CCDC144A: variants seen among roughly 807,000 people sequenced by gnomAD.
CCDC144A encodes the protein coiled-coil domain containing 144A, also known as coiled-coil domain-containing protein 144A.
CCDC144A carries 41 observed loss-of-function variants against 143.8 expected under a neutral mutation model. That is an observed-to-expected ratio of 0.29 (90% confidence interval 0.22 to 0.37). CCDC144A has a LOEUF of 0.37. CCDC144A is among the 10% of genes least tolerant of loss of function. The pLI, the probability that CCDC144A is intolerant of heterozygous loss-of-function variation, is 1.00. For synonymous variants in CCDC144A, 242 were observed against 517.9 expected (o/e 0.47, Z 7.23); for missense variants, 637 against 1,488.8 (o/e 0.43, Z 9.41).
At chr17:16,710,554 A>G (rs1197521289) in intron 5 of CCDC144A, among the ~76,000 whole-genome samples, 3 of 152,080 alleles carry the variant, frequency 2.0e-5, no homozygotes, top group Non-Finnish European at 4.4e-5. Flanking sequence ...ACTTTAATAT[A>G]TTTGTTAATA....
chr17:16,685,939 T>A (rs75007453), upstream of CCDC144A, among the ~76,000 whole-genome samples: 217 of 132,400 alleles, frequency 1.6e-3, 1 homozygote, highest in African/African-American at 6.5e-3. Context: ...ATCTGGCTAT[T>A]TTTTTTTTTT....
Position 16,720,244 on chromosome 17 carries a change from A to G in CCDC144A, c.1749+13A>G. 6.6e-7 allele frequency: 1 copy of G among 1,520,050 alleles called. No individual in the cohort carries two copies. Among genetic ancestry groups the G allele is most frequent in the Admixed American group, 2.5e-5 (1 of 40,218 alleles). The allele number at this position is 1,520,050 out of a possible 1,614,324, so 94.2% of individuals were successfully genotyped here. ...TGAAAAGAACGAGGTATTGTAAAAA[A>G]GGAAATGATCTAAAATATTGTTTTT... On this transcript the variant is annotated intron_variant, in intron 7 of 16. Transcript: ENST00000399273.
intron 12 of CCDC144A, chr17:16,746,439 T>C: frequency 6.2e-7 from 1 of 1,609,678 alleles, no homozygotes; most frequent in East Asian, 2.2e-5. Flanking sequence ...CTTCTAGCAA[T>C]GAGCTCTCTT....
chr17:16,732,610 A>AT lies in CCDC144A; in HGVS notation c.2364dup (p.Leu789SerfsTer4). 2 of 1,611,674 alleles carry AT rather than the reference A, an allele frequency of 1.2e-6. No homozygotes were observed. The highest frequency in any genetic ancestry group is 1.7e-6 in the Non-Finnish European group (2 of 1,179,118). On this transcript the variant is annotated frameshift_variant, in exon 11 of 17. Transcript: ENST00000399273. LOFTEE classifies it high-confidence loss of function. ...GGATGCCAGAATATTACAAGATCAG[A>AT]TTCTGACGAGTAAACAAAAGGAACT...
chr17:16,721,198 A>T (rs1269935682), intron 8 of CCDC144A, among the ~76,000 whole-genome samples: 3 of 151,944 alleles, frequency 2.0e-5, no homozygotes, highest in Non-Finnish European at 4.4e-5. Context: ...AGCTTCAGTG[A>T]GGTATAACTG....
rs760344292 is a variant in CCDC144A at position 16,724,787 on chromosome 17, A to ATTTTTTTTTTTTTTTTTTTTTTT, written c.1892-2726_1892-2704dup. On this transcript the variant is annotated intron_variant, in intron 8 of 16. Coordinates refer to ENST00000399273, the MANE Select transcript of CCDC144A (RefSeq NM_001382000.1). ...AGATTACACGTTCTTGATTAACTGA[A>ATTTTTTTTTTTTTTTTTTTTTTT]TTTTTTTTTTTTTTTTTTTTTTTTT... Among the ~76,000 whole-genome samples, 14 of 35,112 alleles carry ATTTTTTTTTTTTTTTTTTTTTTT rather than the reference A, an allele frequency of 4.0e-4. 7 individuals carry two copies. The highest frequency in any genetic ancestry group is 5.2e-4 in the Non-Finnish European group (10 of 19,348). The allele number at this position is 35,112 out of a possible 152,430, so 23.0% of individuals were successfully genotyped here. A position where few individuals can be genotyped will look rare whatever the true frequency, so the allele number is the denominator to read the frequency against.
At chr17:16,697,792 T>C (rs1291326607) in intron 2 of CCDC144A, among the ~76,000 whole-genome samples, 1 of 152,222 alleles carries the variant, frequency 6.6e-6, no homozygotes, top group Non-Finnish European at 1.5e-5. Context: ...AGTGGAAATA[T>C]AAAGCAGATG....
At chr17:16,701,890 A>G (rs1018650428) in intron 2 of CCDC144A, among the ~76,000 whole-genome samples, 1 of 149,058 alleles carries the variant, frequency 6.7e-6, no homozygotes, top group Non-Finnish European at 1.5e-5. Flanking sequence ...GGGACGGGAT[A>G]ATCTCAGGAG....
intron 12 of CCDC144A, among the ~76,000 whole-genome samples, chr17:16,756,965 G>A (rs1263786399): frequency 1.3e-5 from 2 of 152,280 alleles, no homozygotes; most frequent in African/African-American, 2.4e-5. Flanking sequence ...GTGAGGCCTT[G>A]ATGGTGATGG....
At chr17:16,721,492 A>G (rs1429521832) in intron 8 of CCDC144A, among the ~76,000 whole-genome samples, 1 of 149,068 alleles carries the variant, frequency 6.7e-6, no homozygotes, top group Non-Finnish European at 1.5e-5. Flanking sequence ...TGTATTATGC[A>G]TATCATTATG....
At chr17:16,692,038 A>G (rs928543035) in intron 1 of CCDC144A, 18 of 152,082 alleles carry the variant, frequency 1.2e-4, no homozygotes, top group African/African-American at 3.9e-4. Flanking sequence ...AAGGTGATCA[A>G]TGGAGCTGAG....
chr17:16,740,238 T>G (rs1355454680), intron 12 of CCDC144A, among the ~76,000 whole-genome samples: 1 of 152,228 alleles, frequency 6.6e-6, no homozygotes, highest in African/African-American at 2.4e-5. Context: ...GATACTCTTT[T>G]GACCCAGCAC....
rs1911925238 is a variant in CCDC144A, at chr17:16,704,413, C to T, written c.416-738C>T. ...GAGCTTGCAGTGAGCCGAGATTGCGCCATTGCACTCCAGCCTGGGTGACAA... is the reference window on the plus strand; with the variant it reads ...GAGCTTGCAGTGAGCCGAGATTGCGTCATTGCACTCCAGCCTGGGTGACAA... On this transcript the variant is annotated intron_variant, in intron 2 of 16. Transcript: ENST00000399273. Among the ~76,000 whole-genome samples the T allele has an allele frequency of 2.0e-5, 3 of 152,132 alleles. No individual in the cohort carries two copies. In the South Asian group the frequency reaches 6.2e-4, roughly 31 times the overall value.
Position 16,709,178 on chromosome 17 carries a change from A to G in CCDC144A, c.1121A>G (p.His374Arg), listed in dbSNP as rs768517467. 6.2e-7 allele frequency: 1 copy of G among 1,611,726 alleles called. No homozygotes were observed. The highest frequency in any genetic ancestry group is 2.2e-5 in the East Asian group (1 of 44,866). ...GAACCCAGTCTCAAAAATATCATCC[A>G]TCCATACTATCATCCATACTCTGGG... ...QKEPSLKNII[H>R]PYYHPYSGSQ... The change falls in exon 5 of 17, where the codon CAT becomes CGT. Residue 374 changes from histidine (H) to arginine (R), a missense_variant. His to Arg is a conservative substitution (Grantham distance 29, BLOSUM62 0). Coordinates refer to ENST00000399273, the MANE Select transcript of CCDC144A (RefSeq NM_001382000.1).
In CCDC144A at chr17:16,729,938, C is replaced by T. The variant is rs1205846680; in HGVS notation, c.2106-1862C>T. Among the ~76,000 whole-genome samples the T allele has an allele frequency of 3.8e-5, 5 of 131,286 alleles. No homozygotes were observed. In the East Asian group the frequency reaches 8.7e-4, roughly 23 times the overall value. 86.1% of individuals were successfully genotyped at this position (131,286 alleles called of 152,430 possible). On this transcript the variant is annotated intron_variant, in intron 9 of 16. Coordinates refer to ENST00000399273, the MANE Select transcript of CCDC144A (RefSeq NM_001382000.1). ...TAGTGCGCCCATCACCTGAGTAGTA[C>T]ATATTGTACCTCAGTAGGTAGTTTC... is the stretch of plus-strand genomic sequence containing the variant.
intron 13 of CCDC144A, among the ~76,000 whole-genome samples, 177 bp downstream of exon 13, chr17:16,761,895 G>C (rs2649375): frequency 3.9e-5 from 6 of 152,206 alleles, no homozygotes; most frequent in East Asian, 1.9e-4. Context: ...ATTCTTATAA[G>C]TAAATTGATC....
At chr17:16,691,072 G>C (rs1471448634) in intron 1 of CCDC144A, among the ~76,000 whole-genome samples, 1 of 152,114 alleles carries the variant, frequency 6.6e-6, no homozygotes, top group Admixed American at 6.5e-5. Context: ...CATGTTGGCC[G>C]AGCTCGGTGG....
chr17:16,686,785 CAA>C (rs1491110153), upstream of CCDC144A, among the ~76,000 whole-genome samples: 27 of 139,010 alleles, frequency 1.9e-4, no homozygotes, highest in East Asian at 4.2e-3. Context: ...CACACACACA[CAA>C]AGAAAAGAAA....
At chr17:16,684,221 A>C in the CCDC144A span, 638 of 917,360 alleles carry the variant, frequency 7.0e-4, no homozygotes, top group South Asian at 1.6e-3. Context: ...GGGGATGGAC[A>C]TTCAGTGGGC....
Sources: gnomAD v4.1 joint callset for allele counts (sites outside exome capture counted in the v4.1 genomes callset) on GRCh38, gnomAD v4.1.1 for gene constraint, MANE v1.5 for transcripts, NCBI Gene and HGNC (gene_info 2026-07-23, HGNC 2026-07-21) for gene names.